ADAM9: variants seen among roughly 807,000 people sequenced by gnomAD.
The protein encoded by ADAM9 is disintegrin and metalloproteinase domain-containing protein 9.
Under a neutral mutation model 108.1 loss-of-function variants are expected in ADAM9, and 54 were observed. The ratio of observed to expected loss-of-function variants is 0.50; its 90% CI spans 0.40 to 0.63. ADAM9 has a LOEUF of 0.63. Ranked by LOEUF, ADAM9 falls within the 20% of genes least tolerant of loss-of-function variation. The pLI is 0.00. For missense variants in ADAM9, 830 were observed against 997.7 expected (o/e 0.83, Z 2.26); for synonymous variants, 316 against 336.0 (o/e 0.94, Z 0.65).
intron 14 of ADAM9, among the ~76,000 whole-genome samples, chr8:39,064,643 C>G (rs1261053362): frequency 1.3e-5 from 2 of 152,174 alleles, no homozygotes; most frequent in African/African-American, 4.8e-5. Flanking sequence ...ATCATTGGCT[C>G]TCTCCCTTTT....
intron 18 of ADAM9, among the ~76,000 whole-genome samples, chr8:39,089,399 G>A (rs116334136): frequency 4.3e-4 from 66 of 152,284 alleles, no homozygotes; most frequent in African/African-American, 1.4e-3. Flanking sequence ...TATATTGCTT[G>A]TAATATTCTT....
At chr8:39,045,371 T>TAG (rs1564300966) in intron 12 of ADAM9, among the ~76,000 whole-genome samples, 1 of 73,808 alleles carries the variant, frequency 1.4e-5, no homozygotes, top group African/African-American at 4.6e-5. Context: ...TAGGTGTGTG[T>TAG]ACATACACCT....
chr8:39,049,165 C>T (rs747470689), intron 12 of ADAM9, among the ~76,000 whole-genome samples: 1 of 151,366 alleles, frequency 6.6e-6, no homozygotes, highest in African/African-American at 2.4e-5. Flanking sequence ...TTGCTGTTTT[C>T]CTTTGTAATT....
chr8:39,047,237 T>C (rs1837803880), intron 12 of ADAM9, among the ~76,000 whole-genome samples: 1 of 152,230 alleles, frequency 6.6e-6, no homozygotes, highest in African/African-American at 2.4e-5. Flanking sequence ...TGTATTTGTT[T>C]GGCACATTGG....
intron 12 of ADAM9, among the ~76,000 whole-genome samples, chr8:39,051,215 T>C (rs751910377): frequency 6.6e-6 from 1 of 152,150 alleles, no homozygotes. Flanking sequence ...AACTGTAATA[T>C]TGGATGTGTG....
intron 14 of ADAM9, among the ~76,000 whole-genome samples, chr8:39,056,430 G>A (rs1838126252): frequency 6.6e-6 from 1 of 151,878 alleles, no homozygotes; most frequent in Non-Finnish European, 1.5e-5. Context: ...TTTGTTCTAG[G>A]CATTAGTTAT....
At chr8:39,018,995 C>A in intron 7 of ADAM9, 77 bp downstream of exon 7, 1 of 1,319,398 alleles carries the variant, frequency 7.6e-7, no homozygotes, top group Non-Finnish European at 1.1e-6. Context: ...GAAATCTAAA[C>A]TACACATTGT....
intron 6 of ADAM9, among the ~76,000 whole-genome samples, chr8:39,018,179 T>G (rs147707074): frequency 1.1e-4 from 17 of 152,306 alleles, no homozygotes; most frequent in African/African-American, 3.4e-4. Flanking sequence ...ACATATGAGA[T>G]TCTGTTGCTG....
chr8:39,029,279 CACTGATAACATGAGGAT>C (rs961132606), intron 11 of ADAM9, among the ~76,000 whole-genome samples: 33 of 151,898 alleles, frequency 2.2e-4, no homozygotes, highest in Admixed American at 9.8e-4. Flanking sequence ...GGTAGAGGGA[CACTGATAACATGAGGAT>C]ACTGATAACA....
chr8:39,014,469 T>A, intron 4 of ADAM9: 1 of 673,306 alleles, frequency 1.5e-6, no homozygotes, highest in Middle Eastern at 2.4e-4. Context: ...AAATTTTTTC[T>A]GAAAATAATT....
In ADAM9 at chr8:39,075,114, C is replaced by A. The variant is rs371557698; in HGVS notation, c.1698-2114C>A. The stretch of plus-strand genomic sequence containing the variant: ...TAGAGATGGGGTTTCCCTATGTTGG[C>A]CAGGCTGGTCTCAAATTCCTGACCT... On this transcript the variant is annotated intron_variant, in intron 15 of 21. Transcript: ENST00000487273. Among the ~76,000 whole-genome samples the A allele has an allele frequency of 3.6e-4, 54 of 151,952 alleles. 4 individuals are homozygous for A. Among genetic ancestry groups the A allele is most frequent in the Admixed American group, 2.4e-3 (37 of 15,260 alleles).
chr8:39,019,049 T>G, intron 7 of ADAM9, 131 bp downstream of exon 7: 1 of 908,216 alleles, frequency 1.1e-6, no homozygotes, highest in Middle Eastern at 2.2e-4. Context: ...ACTAAAATGG[T>G]TTTTTTCCCT....
rs375191198 is a variant in ADAM9 at position 39,077,384 on chromosome 8, C to T, written c.1854C>T (p.Asn618=). The change falls in exon 16 of 22, where the codon AAC becomes AAT. Residue 618 remains asparagine (N), a synonymous_variant. Transcript: ENST00000487273. ...GSDVPDPGMV[N]EGTKCGAGKI... ...ATGTTCCAGATCCTGGGATGGTTAACGAAGGCACAAAATGTGGTGCTGGAA... is the reference window on the plus strand; with the variant it reads ...ATGTTCCAGATCCTGGGATGGTTAATGAAGGCACAAAATGTGGTGCTGGAA... The T allele has an allele frequency of 3.4e-5, 55 of 1,612,686 alleles. No homozygotes were observed. The Admixed American group carries it at 4.8e-4, about 14-fold the overall frequency.
intron 15 of ADAM9, among the ~76,000 whole-genome samples, chr8:39,073,649 G>T (rs999335897): frequency 6.6e-6 from 1 of 152,122 alleles, no homozygotes. Context: ...TAATATAACC[G>T]ATTGAATGAA....
intron 19 of ADAM9, 128 bp from the exon 20 acceptor site, chr8:39,091,131 A>G (rs1839340959): frequency 6.8e-6 from 6 of 880,880 alleles, no homozygotes; most frequent in South Asian, 5.4e-5. Context: ...TTTAAACCGT[A>G]TCATGATTAT....
chr8:39,042,128 T>G lies in ADAM9; in HGVS notation c.1302+11T>G. On this transcript the variant is annotated intron_variant, in intron 12 of 21. Transcript: ENST00000487273. ...TGTGGTACTCCAAAGGTCAGTTTAA[T>G]TTTTGACTTTTGCCTTGTAAAATTG... is the stretch of plus-strand genomic sequence containing the variant. The G allele has an allele frequency of 2.5e-6, 4 of 1,613,966 alleles. No homozygotes were observed. The highest frequency in any genetic ancestry group is 3.4e-6 in the Non-Finnish European group (4 of 1,179,834).
chr8:39,103,462 T>A, intron 21 of ADAM9, 145 bp from the exon 22 acceptor site: 1 of 728,642 alleles, frequency 1.4e-6, no homozygotes, highest in Non-Finnish European at 2.3e-6. Context: ...CCATTGAATA[T>A]CACCCTAATA....
intron 11 of ADAM9, among the ~76,000 whole-genome samples, chr8:39,041,171 T>C (rs1788605228): frequency 6.6e-6 from 1 of 151,942 alleles, no homozygotes; most frequent in African/African-American, 2.4e-5. Flanking sequence ...TTTTCAAAGG[T>C]AAAAATAGCC....
chr8:39,065,202 GTTTTTTTTTGTTT>G (rs1243101861), intron 14 of ADAM9, among the ~76,000 whole-genome samples: 3 of 135,110 alleles, frequency 2.2e-5, no homozygotes, highest in Admixed American at 1.4e-4. Flanking sequence ...TTTTATCTGT[GTTTTTTTTTGTTT>G]TTTTTTTTTG....
Sources: gnomAD v4.1 joint callset for allele counts (sites outside exome capture counted in the v4.1 genomes callset) on GRCh38, gnomAD v4.1.1 for gene constraint, MANE v1.5 for transcripts, NCBI Gene and HGNC (gene_info 2026-07-23, HGNC 2026-07-21) for gene names.